CPLX4: variants seen among roughly 807,000 people sequenced by gnomAD.
The protein encoded by CPLX4 is complexin-4.
A neutral mutation model predicts 16.1 loss-of-function variants in CPLX4; 17 were observed. The ratio of observed to expected loss-of-function variants is 1.06; its 90% CI spans 0.72 to 1.59. CPLX4 has a LOEUF of 1.59. Ranked by LOEUF, CPLX4 falls within the 40% of genes most tolerant of loss-of-function variation. The pLI is 0.00. For missense variants in CPLX4, 193 were observed against 192.9 expected (o/e 1.00, Z 0.00); for synonymous variants, 55 against 57.8 (o/e 0.95, Z 0.22).
intron 2 of CPLX4, among the ~76,000 whole-genome samples, chr18:59,301,775 T>G (rs553239145): frequency 6.6e-6 from 1 of 152,350 alleles, no homozygotes; most frequent in African/African-American, 2.4e-5. Context: ...TTGTGGGATT[T>G]GGAGTTAGAC....
intron 2 of CPLX4, among the ~76,000 whole-genome samples, chr18:59,301,975 G>T (rs2070544755): frequency 6.6e-6 from 1 of 152,214 alleles, no homozygotes; most frequent in Non-Finnish European, 1.5e-5. Context: ...TATTTTAGAG[G>T]AAAGAGGGCA....
At chr18:59,317,353 G>A (rs1305022555) in intron 1 of CPLX4, among the ~76,000 whole-genome samples, 2 of 152,028 alleles carry the variant, frequency 1.3e-5, no homozygotes, top group African/African-American at 2.4e-5. Flanking sequence ...TTTCTTAACT[G>A]ATTATTAAAA....
intron 2 of CPLX4, among the ~76,000 whole-genome samples, chr18:59,308,862 G>C (rs961325378): frequency 1.3e-5 from 2 of 152,208 alleles, no homozygotes; most frequent in African/African-American, 4.8e-5. Context: ...CCAGAGCCTC[G>C]TCAGTGCGGG....
intron 2 of CPLX4, among the ~76,000 whole-genome samples, chr18:59,298,069 CT>C (rs1482506364): frequency 6.6e-6 from 1 of 151,926 alleles, no homozygotes; most frequent in Non-Finnish European, 1.5e-5. Context: ...TTAATGCATG[CT>C]GCCTGGTCTT....
chr18:59,313,882 G>A (rs1014587632), intron 1 of CPLX4, among the ~76,000 whole-genome samples: 2 of 152,196 alleles, frequency 1.3e-5, no homozygotes, highest in Non-Finnish European at 2.9e-5. Flanking sequence ...GGCCTGATGG[G>A]AATTCTACTT....
intron 2 of CPLX4, among the ~76,000 whole-genome samples, chr18:59,307,160 A>G (rs1402687278): frequency 1.3e-5 from 2 of 152,196 alleles, no homozygotes; most frequent in Non-Finnish European, 2.9e-5. Flanking sequence ...CTGGATGAAG[A>G]GTAAGGAGGC....
At chr18:59,315,192 G>A (rs2144193210) in intron 1 of CPLX4, among the ~76,000 whole-genome samples, 1 of 152,158 alleles carries the variant, frequency 6.6e-6, no homozygotes, top group African/African-American at 2.4e-5. Flanking sequence ...AACATTTTTT[G>A]TCTTTTTGAT....
At chr18:59,314,649 C>T (rs576198296) in intron 1 of CPLX4, among the ~76,000 whole-genome samples, 2 of 152,260 alleles carry the variant, frequency 1.3e-5, no homozygotes, top group African/African-American at 4.8e-5. Flanking sequence ...TTCCCCCATC[C>T]CCATTCCTGA....
At position 59,311,856 on chromosome 18, in the gene CPLX4, C is replaced by T. The variant is rs1603392072; in HGVS notation, c.255+829G>A. Among the ~76,000 whole-genome samples the T allele has an allele frequency of 2.6e-5, 4 of 152,288 alleles. No individual in the cohort carries two copies. The South Asian group carries it at 6.2e-4, about 24-fold the overall frequency. On this transcript the variant is annotated intron_variant, in intron 2 of 2. Transcript: ENST00000299721. ...CATTCCCTTCCCACCAGGAGACCAA[C>T]GACTCACTCGACCACAGCCTACAGC...
intron 2 of CPLX4, among the ~76,000 whole-genome samples, chr18:59,300,013 T>C (rs538571447): frequency 6.6e-6 from 1 of 152,350 alleles, no homozygotes; most frequent in South Asian, 2.1e-4. Flanking sequence ...GCAAGGTTTC[T>C]GGCATGTAGA....
chr18:59,302,418 G>A (rs2070547981), intron 2 of CPLX4, among the ~76,000 whole-genome samples: 1 of 152,198 alleles, frequency 6.6e-6, no homozygotes, highest in South Asian at 2.1e-4. Context: ...GAGAACCGTG[G>A]CGTGAATGAA....
intron 1 of CPLX4, among the ~76,000 whole-genome samples, chr18:59,315,055 G>A (rs757549477): frequency 2.0e-5 from 3 of 151,376 alleles, no homozygotes; most frequent in Admixed American, 6.6e-5. Context: ...TGGGTTCTAC[G>A]GTAACTTACT....
chr18:59,300,074 G>A (rs1417644078), intron 2 of CPLX4, among the ~76,000 whole-genome samples: 2 of 152,238 alleles, frequency 1.3e-5, no homozygotes, highest in East Asian at 1.9e-4. Flanking sequence ...GCTCAAGCCA[G>A]TAACCCCAGC....
chr18:59,300,162 TC>T (rs768682173), intron 2 of CPLX4, among the ~76,000 whole-genome samples: 4 of 152,016 alleles, frequency 2.6e-5, no homozygotes, highest in Admixed American at 6.5e-5. Flanking sequence ...TGAAACCCCG[TC>T]TCTACTAAAA....
intron 2 of CPLX4, among the ~76,000 whole-genome samples, chr18:59,297,970 G>T (rs62094024): frequency 1.5e-3 from 232 of 152,188 alleles, no homozygotes; most frequent in African/African-American, 5.4e-3. Flanking sequence ...TCAGCATACT[G>T]GCAGTCTAGC....
At chr18:59,307,284 T>C (rs2144185904) in intron 2 of CPLX4, among the ~76,000 whole-genome samples, 1 of 152,252 alleles carries the variant, frequency 6.6e-6, no homozygotes, top group South Asian at 2.1e-4. Context: ...TTTCCGGATG[T>C]AAAAAAATAA....
Position 59,318,637 on chromosome 18 carries a change from T to C in CPLX4, c.-175A>G. ...CATACTGATAGAGAAGAGTGGTTTG[T>C]CGGCCGTAAGCTGGATTAAAGTGGT... On this transcript the variant is annotated 5_prime_UTR_variant, in exon 1 of 3. Transcript: ENST00000299721. 1 of 1,233,508 alleles carries C rather than the reference T, an allele frequency of 8.1e-7. No individual in the cohort carries two copies. Among genetic ancestry groups the C allele is most frequent in the Non-Finnish European group, 1.1e-6 (1 of 930,886 alleles). The allele number at this position is 1,233,508 out of a possible 1,614,324, so 76.4% of individuals were successfully genotyped here.
At chr18:59,299,201 C>A (rs2070523130) in intron 2 of CPLX4, among the ~76,000 whole-genome samples, 1 of 152,246 alleles carries the variant, frequency 6.6e-6, no homozygotes, top group South Asian at 2.1e-4. Flanking sequence ...TCCCTAGCGG[C>A]TGCTTTCCTT....
chr18:59,313,738 T>G (rs2070633601), intron 1 of CPLX4, among the ~76,000 whole-genome samples: 2 of 152,226 alleles, frequency 1.3e-5, no homozygotes, highest in African/African-American at 2.4e-5. Context: ...GCTGTCATTT[T>G]CCACTAACCT....
Sources: allele counts gnomAD v4.1 joint callset (sites outside exome capture counted in the v4.1 genomes callset), GRCh38; gene constraint gnomAD v4.1.1; transcripts MANE v1.5; gene names NCBI Gene and HGNC (gene_info 2026-07-23, HGNC 2026-07-21).